The following DOCK4 variants were observed in gnomAD, a reference collection of about 807,000 sequenced individuals.
DOCK4 encodes the protein dedicator of cytokinesis protein 4.
DOCK4 carries 97 observed loss-of-function variants against 268.1 expected under a neutral mutation model. The ratio of observed to expected loss-of-function variants is 0.36; its 90% CI spans 0.31 to 0.43. The LOEUF (loss-of-function observed/expected upper bound fraction) is 0.43, where lower values mean the gene tolerates loss of function less well. Among genes scored for constraint, DOCK4 ranks in the 20% least tolerant of loss-of-function variants. The pLI is 1.00. For synonymous variants in DOCK4, 954 were observed against 887.2 expected, an observed-to-expected ratio of 1.08 and a Z score of -1.34; for missense variants, 2,145 against 2,455.7, an observed-to-expected ratio of 0.87 and a Z score of 2.67.
chr7:112,069,541 C>T (rs1381045277), intron 1 of DOCK4, among the ~76,000 whole-genome samples: 1 of 152,160 alleles, frequency 6.6e-6, no homozygotes, highest in Non-Finnish European at 1.5e-5. Context: ...GACAATGGTA[C>T]CCACCTGTCT....
intron 1 of DOCK4, among the ~76,000 whole-genome samples, chr7:112,176,866 T>A (rs1467851675): frequency 6.6e-6 from 1 of 152,244 alleles, no homozygotes; most frequent in Non-Finnish European, 1.5e-5. Context: ...TGTTTGTGCT[T>A]GTTTTTAATG....
intron 25 of DOCK4, among the ~76,000 whole-genome samples, chr7:111,840,143 A>G (rs1034792545): frequency 2.6e-5 from 4 of 152,220 alleles, no homozygotes; most frequent in Non-Finnish European, 5.9e-5. Flanking sequence ...GAATTTCTAC[A>G]AATGACTGTG....
intron 7 of DOCK4, among the ~76,000 whole-genome samples, chr7:111,983,853 C>T (rs978167282): frequency 4.5e-4 from 44 of 97,494 alleles, no homozygotes; most frequent in Middle Eastern, 5.4e-3. Context: ...CACGCGCGCG[C>T]GCGCGCGCGC....
At chr7:111,740,464 A>C (rs1308412670) in intron 47 of DOCK4, among the ~76,000 whole-genome samples, 1 of 150,106 alleles carries the variant, frequency 6.7e-6, no homozygotes, top group Admixed American at 6.6e-5. Context: ...CGGGCGCAGT[A>C]GCTCATGCCT....
rs3997406 is a variant in DOCK4, at chr7:111,760,738, T to TTGTGTGTGTG, written c.4021-426_4021-417dup. Among the ~76,000 whole-genome samples, 353 of 136,986 alleles carry TTGTGTGTGTG rather than the reference T, an allele frequency of 2.6e-3. 4 individuals carry two copies. The highest frequency in any genetic ancestry group is 9.3e-3 in the African/African-American group (331 of 35,678). 89.9% of individuals were successfully genotyped at this position (136,986 alleles called of 152,430 possible). A position where few individuals can be genotyped will look rare whatever the true frequency, so the allele number is the denominator to read the frequency against. On this transcript the variant is annotated intron_variant, in intron 39 of 52. Transcript: ENST00000428084. Reference sequence around the variant, plus strand: ...GAAAAGTAAATTTGTTGTCTGCTTTTTGTGTGTGTGTGTGTGTGTGTGTGT... The same window carrying TTGTGTGTGTG: ...GAAAAGTAAATTTGTTGTCTGCTTTTTGTGTGTGTGTGTGTGTGTGTGTGTGTGTGTGTGT...
intron 1 of DOCK4, among the ~76,000 whole-genome samples, chr7:112,118,290 T>C (rs1236416336): frequency 2.0e-5 from 3 of 152,154 alleles, no homozygotes; most frequent in Non-Finnish European, 4.4e-5. Context: ...TTCTCCTTCT[T>C]GTATTTTAGA....
chr7:112,158,003 A>C (rs1374264352), intron 1 of DOCK4, among the ~76,000 whole-genome samples: 1 of 152,234 alleles, frequency 6.6e-6, no homozygotes, highest in Non-Finnish European at 1.5e-5. Flanking sequence ...ATAGAAACTA[A>C]ATATACACTG....
At chr7:111,989,859 G>A (rs1434096340) in intron 5 of DOCK4, among the ~76,000 whole-genome samples, 20 of 152,182 alleles carry the variant, frequency 1.3e-4, no homozygotes, top group Admixed American at 1.3e-3. Context: ...CAGACTTTAA[G>A]TACCAATTTT....
chr7:112,054,658 G>C (rs148588778), intron 1 of DOCK4, among the ~76,000 whole-genome samples: 2,439 of 152,178 alleles, frequency 0.016, 34 homozygotes, highest in Non-Finnish European at 0.024. Context: ...TGCAATGTTG[G>C]ATTTATTCAC....
chr7:111,924,489 G>A (rs1051841911), intron 12 of DOCK4, among the ~76,000 whole-genome samples: 13 of 152,274 alleles, frequency 8.5e-5, no homozygotes, highest in African/African-American at 2.6e-4. Flanking sequence ...TTTTCATCAC[G>A]CTGAGCTGGT....
intron 30 of DOCK4, 128 bp downstream of exon 30, chr7:111,808,693 T>C: frequency 1.1e-6 from 1 of 908,720 alleles, no homozygotes. Context: ...TTACTTTCTA[T>C]AGATGTTTAT....
intron 30 of DOCK4, among the ~76,000 whole-genome samples, chr7:111,806,522 G>C (rs953029372): frequency 2.0e-5 from 3 of 152,178 alleles, no homozygotes; most frequent in African/African-American, 4.8e-5. Context: ...CCCTACGCTT[G>C]AACCACGTCA....
intron 8 of DOCK4, among the ~76,000 whole-genome samples, chr7:111,965,322 A>G (rs1287458122): frequency 1.9e-4 from 1 of 5,296 alleles, no homozygotes; most frequent in South Asian, 6.3e-3. Context: ...TCTCACGTGC[A>G]GAGACACACA....
At chr7:112,125,976 T>A (rs1813185753) in intron 1 of DOCK4, among the ~76,000 whole-genome samples, 1 of 152,094 alleles carries the variant, frequency 6.6e-6, no homozygotes, top group Non-Finnish European at 1.5e-5. Context: ...GCATGACTAA[T>A]TTTTTGTAGA....
At chr7:111,788,895 C>A (rs764662813) in intron 31 of DOCK4, 148 bp from the exon 32 acceptor site, 11 of 702,528 alleles carry the variant, frequency 1.6e-5, no homozygotes, top group Non-Finnish European at 2.5e-5. Context: ...AGCAGGCAAC[C>A]CTTTGGAATT....
chr7:111,995,193 G>A (rs931343571), intron 4 of DOCK4, among the ~76,000 whole-genome samples: 24 of 151,768 alleles, frequency 1.6e-4, no homozygotes, highest in African/African-American at 4.1e-4. Flanking sequence ...AACCACGCCC[G>A]GCTAATTTTT....
chr7:112,130,375 CTT>C lies in DOCK4; in HGVS notation c.37+75725_37+75726del, dbSNP rs527280504. Reference sequence around the variant, plus strand: ...TATGCTCACCAATGACAGGGAGTCTCTTAACACTTCTCTTTATATTTTAAGAT... The same window carrying C: ...TATGCTCACCAATGACAGGGAGTCTCAACACTTCTCTTTATATTTTAAGAT... On this transcript the variant is annotated intron_variant, in intron 1 of 52. Transcript: ENST00000428084. 3.1e-3 allele frequency among the ~76,000 whole-genome samples: 479 copies of C among 152,322 alleles called. 1 individual carries two copies. The highest frequency in any genetic ancestry group is 0.011 in the African/African-American group (445 of 41,576).
At position 111,732,263 on chromosome 7, in the gene DOCK4, G is replaced by A; in HGVS notation, c.5444C>T (p.Ser1815Leu). 1 of 1,614,040 alleles carries A rather than the reference G, an allele frequency of 6.2e-7. No homozygotes were observed. The highest frequency in any genetic ancestry group is 8.5e-7 in the Non-Finnish European group (1 of 1,179,890). Residue 1815 changes from serine to leucine, a missense_variant, in exon 52 of 53, where the codon TCA becomes TTA. Transcript: ENST00000428084. Reference sequence around the variant, plus strand: ...TCGCCCGGCAGGCGAGGGGGATACTGATGTCGTGTGTCTTGCTGGTGAAGC... The same window carrying A: ...TCGCCCGGCAGGCGAGGGGGATACTAATGTCGTGTGTCTTGCTGGTGAAGC... ...QTASPARHTT[S>L]VSPSPAGRSP... is the part of the protein sequence containing the mutation.
At chr7:111,753,011 G>GGGT (rs1554581817) in intron 42 of DOCK4, among the ~76,000 whole-genome samples, 1 of 144,514 alleles carries the variant, frequency 6.9e-6, no homozygotes, top group Admixed American at 6.9e-5. Context: ...CTATTGGGGG[G>GGGT]GGGGTCTGTG....
Sources: gnomAD v4.1 joint callset for allele counts (sites outside exome capture counted in the v4.1 genomes callset) on GRCh38, gnomAD v4.1.1 for gene constraint, MANE v1.5 for transcripts, NCBI Gene and HGNC (gene_info 2026-07-23, HGNC 2026-07-21) for gene names.